Variants in HSDL1 observed in about 807,000 individuals in gnomAD.
HSDL1 encodes the protein hydroxysteroid dehydrogenase like 1.
A neutral mutation model predicts 31.5 loss-of-function variants in HSDL1; 29 were observed. The observed-to-expected ratio is 0.92, with a 90% CI of 0.69 to 1.26. HSDL1 has a LOEUF of 1.26. Ranked by LOEUF, HSDL1 falls within the 50% of genes most tolerant of loss-of-function variation. HSDL1 has a pLI of 0.00. For missense variants in HSDL1, 503 were observed against 416.6 expected (o/e 1.21, Z -1.81); for synonymous variants, 222 against 155.2 (o/e 1.43, Z -3.20).
intron 2 of HSDL1, among the ~76,000 whole-genome samples, chr16:84,131,781 G>A (rs374485227): frequency 0.013 from 1,928 of 151,878 alleles, 45 homozygotes; most frequent in African/African-American, 0.044. Context: ...TGGGGTTCAC[G>A]CCATTCTCCT....
chr16:84,144,386 A>C (rs2086814579), intron 1 of HSDL1: 1 of 152,020 alleles, frequency 6.6e-6, no homozygotes, highest in South Asian at 2.1e-4. Flanking sequence ...TGTACACATC[A>C]TGTTGGGATC....
intron 5 of HSDL1, among the ~76,000 whole-genome samples, chr16:84,128,585 T>C (rs1166199196): frequency 6.6e-6 from 1 of 152,124 alleles, no homozygotes; most frequent in Non-Finnish European, 1.5e-5. Flanking sequence ...GGTTTTGTGG[T>C]TTTTTTGGAT....
intron 3 of HSDL1, among the ~76,000 whole-genome samples, chr16:84,130,803 A>G (rs1397025065): frequency 6.6e-6 from 1 of 152,224 alleles, no homozygotes; most frequent in Admixed American, 6.5e-5. Flanking sequence ...GAAAGTGGCA[A>G]CACTTTCAAG....
chr16:84,130,180 A>G lies in HSDL1; in HGVS notation c.472T>C (p.Tyr158His). 14 of 1,614,228 alleles carry G rather than the reference A, an allele frequency of 8.7e-6. No homozygotes were observed. Among genetic ancestry groups the G allele is most frequent in the Non-Finnish European group, 1.1e-5 (13 of 1,180,038 alleles). Reference protein sequence around the residue: ...LVNNVGVFYPYPQYFTQLSED... With the variant: ...LVNNVGVFYPHPQYFTQLSED... ...GACAGCTGAGTGAAATACTGCGGGT[A>G]GGGATAAAACACACCCACGTTATTT... Residue 158 changes from tyrosine (Y) to histidine (H), a missense_variant, in exon 4 of 6, where the codon TAC (tyrosine) becomes CAC (histidine). Coordinates refer to ENST00000219439, the MANE Select transcript of HSDL1 (RefSeq NM_031463.5).
chr16:84,129,862 C>T, intron 4 of HSDL1, 87 bp from the exon 5 acceptor site: 1 of 1,420,484 alleles, frequency 7.0e-7, no homozygotes, highest in Non-Finnish European at 9.7e-7. Flanking sequence ...ATTATCAATT[C>T]AGGAAAAAAT....
chr16:84,142,551 T>C (rs1448337925), intron 1 of HSDL1, among the ~76,000 whole-genome samples: 2 of 147,884 alleles, frequency 1.4e-5, no homozygotes, highest in Admixed American at 1.4e-4. Context: ...TTCTTCTGCC[T>C]CAGCCTCCCA....
At chr16:84,135,972 A>C (rs2086708477) in intron 1 of HSDL1, among the ~76,000 whole-genome samples, 1 of 152,234 alleles carries the variant, frequency 6.6e-6, no homozygotes, top group Non-Finnish European at 1.5e-5. Flanking sequence ...ATCGGGGAAG[A>C]GAGCAGCCAC....
At chr16:84,134,658 G>A (rs2086697117) in intron 2 of HSDL1, among the ~76,000 whole-genome samples, 1 of 152,052 alleles carries the variant, frequency 6.6e-6, no homozygotes, top group Non-Finnish European at 1.5e-5. Flanking sequence ...GAGATTCTAT[G>A]TTAGACCATC....
chr16:84,137,381 G>A (rs997765292), intron 1 of HSDL1, among the ~76,000 whole-genome samples: 9 of 152,210 alleles, frequency 5.9e-5, no homozygotes, highest in Non-Finnish European at 1.2e-4. Context: ...GTGTGCAGGC[G>A]CACAGGCGTG....
intron 2 of HSDL1, among the ~76,000 whole-genome samples, chr16:84,132,816 T>C (rs1278277454): frequency 6.6e-6 from 1 of 151,838 alleles, no homozygotes; most frequent in African/African-American, 2.4e-5. Context: ...AGACAAAATA[T>C]CAAAACAACT....
chr16:84,142,729 A>T lies in HSDL1; in HGVS notation c.-69+2351T>A, dbSNP rs549525260. On this transcript the variant is annotated intron_variant, in intron 1 of 5. Coordinates refer to ENST00000219439, the MANE Select transcript of HSDL1 (RefSeq NM_031463.5). ...AAAGCACTGGGATGTGACCGGCCGG[A>T]TCTCACACATCTTTAATATTCCTCC... Among the ~76,000 whole-genome samples the T allele has an allele frequency of 7.7e-3, 1,171 of 152,150 alleles. 13 individuals are homozygous for T. Among genetic ancestry groups the T allele is most frequent in the African/African-American group, 0.027 (1,109 of 41,490 alleles).
intron 1 of HSDL1, among the ~76,000 whole-genome samples, chr16:84,141,778 C>T (rs2086771594): frequency 6.6e-6 from 1 of 152,138 alleles, no homozygotes; most frequent in Admixed American, 6.5e-5. Flanking sequence ...TATGTATGTG[C>T]TTTCTGTGTT....
chr16:84,124,986 A>G, intron 5 of HSDL1: 1 of 268,150 alleles, frequency 3.7e-6, no homozygotes, highest in Non-Finnish European at 7.1e-6. Context: ...AATACACACC[A>G]ATCAAACAAA....
chr16:84,132,013 T>A (rs901903211), intron 2 of HSDL1, among the ~76,000 whole-genome samples: 1 of 152,192 alleles, frequency 6.6e-6, no homozygotes, highest in East Asian at 1.9e-4. Context: ...CCATTTAACA[T>A]CCGTAGCTTA....
rs144743188 is a variant in HSDL1, at chr16:84,130,195, C to A, written c.457G>T (p.Gly153Cys). ...KDVGILVNNV[G>C]VFYPYPQYFT... ...TACTGCGGGTAGGGATAAAACACAC[C>A]CACGTTATTTACCAAGATGCCAACG... Residue 153 changes from glycine to cysteine, a missense_variant, in exon 4 of 6, where the codon GGT becomes TGT. Transcript: ENST00000219439. 3 of 1,614,060 alleles carry A rather than the reference C, an allele frequency of 1.9e-6. No homozygotes were observed. In the African/African-American group the frequency reaches 4.0e-5, roughly 22 times the overall value.
chr16:84,134,911 G>T (rs1032018215), intron 2 of HSDL1, among the ~76,000 whole-genome samples: 3 of 152,166 alleles, frequency 2.0e-5, no homozygotes, highest in Non-Finnish European at 4.4e-5. Context: ...ATACATCTAG[G>T]CTGTTAAAAC....
chr16:84,137,753 A>T (rs1320897599), intron 1 of HSDL1, among the ~76,000 whole-genome samples: 1 of 152,256 alleles, frequency 6.6e-6, no homozygotes, highest in East Asian at 1.9e-4. Context: ...TGACAAAAGA[A>T]ATCAGTACTT....
intron 1 of HSDL1, among the ~76,000 whole-genome samples, chr16:84,142,300 C>T (rs757490795): frequency 6.6e-6 from 1 of 152,134 alleles, no homozygotes; most frequent in Admixed American, 6.6e-5. Context: ...TCAGAAATCC[C>T]TCCTTAGCCT....
intron 5 of HSDL1, among the ~76,000 whole-genome samples, chr16:84,125,698 C>T (rs2086599489): frequency 6.6e-6 from 1 of 152,240 alleles, no homozygotes; most frequent in South Asian, 2.1e-4. Context: ...GGAACAGAAA[C>T]ATGACCACCA....
Sources: allele counts gnomAD v4.1 joint callset (sites outside exome capture counted in the v4.1 genomes callset), GRCh38; gene constraint gnomAD v4.1.1; transcripts MANE v1.5; gene names NCBI Gene and HGNC (gene_info 2026-07-23, HGNC 2026-07-21).